The following WWOX variants were observed in gnomAD, a reference collection of about 807,000 sequenced individuals.
WWOX encodes the protein WW domain containing oxidoreductase.
Under a neutral mutation model 46.2 loss-of-function variants are expected in WWOX, and 69 were observed. The ratio of observed to expected loss-of-function variants is 1.49; its 90% CI spans 1.23 to 1.82. The LOEUF (loss-of-function observed/expected upper bound fraction) is 1.82. Among genes scored for constraint, WWOX ranks in the 40% most tolerant of loss-of-function variants. WWOX has a pLI of 0.00. For synonymous variants in WWOX, 359 were observed against 202.6 expected, an observed-to-expected ratio of 1.77 and a Z score of -6.56; for missense variants, 919 against 542.6, an observed-to-expected ratio of 1.69 and a Z score of -6.89.
At chr16:78,515,543 A>G (rs372338456) in intron 8 of WWOX, among the ~76,000 whole-genome samples, 6 of 152,144 alleles carry the variant, frequency 3.9e-5, no homozygotes, top group South Asian at 4.1e-4. Flanking sequence ...CATGTTGTCT[A>G]TGAACGTTTT....
chr16:79,022,717 G>C (rs376637032), intron 8 of WWOX, among the ~76,000 whole-genome samples: 16 of 152,268 alleles, frequency 1.1e-4, no homozygotes, highest in African/African-American at 3.9e-4. Context: ...AAGAGGGAGG[G>C]GAGGCCAAGA....
chr16:78,994,540 A>T (rs1179270954), intron 8 of WWOX: 25 of 152,190 alleles, frequency 1.6e-4, no homozygotes, highest in Admixed American at 1.6e-3. Flanking sequence ...CTTATCAATG[A>T]GATCAGATTT....
chr16:79,209,538 GGT>G lies in WWOX; in HGVS notation c.1057-2068_1057-2067del, dbSNP rs1567621960. 7.1e-3 allele frequency among the ~76,000 whole-genome samples: 1,087 copies of G among 152,192 alleles called. 7 individuals are homozygous for G. The highest frequency in any genetic ancestry group is 0.025 in the African/African-American group (1,055 of 41,496). The stretch of plus-strand genomic sequence containing the variant: ...AGGGCGGGAGGCTGGACTTGAAATG[GGT>G]GAGCTGGATTCTCCCACCACTCGGG... On this transcript the variant is annotated intron_variant, in intron 8 of 8. Coordinates refer to ENST00000566780, the MANE Select transcript of WWOX (RefSeq NM_016373.4).
At chr16:78,381,250 C>G (rs1332128880) in intron 5 of WWOX, among the ~76,000 whole-genome samples, 1 of 152,216 alleles carries the variant, frequency 6.6e-6, no homozygotes, top group East Asian at 1.9e-4. Context: ...TACTAGAGAT[C>G]ACTGTTGCAT....
intron 8 of WWOX, among the ~76,000 whole-genome samples, chr16:78,581,622 G>C (rs1011293319): frequency 1.3e-5 from 2 of 152,086 alleles, no homozygotes; most frequent in Admixed American, 1.3e-4. Context: ...TGGAATCAAA[G>C]TCTCTTTCCC....
intron 5 of WWOX, among the ~76,000 whole-genome samples, chr16:78,169,864 C>G (rs149437219): frequency 3.3e-5 from 5 of 152,186 alleles, no homozygotes; most frequent in African/African-American, 1.2e-4. Context: ...CTGCCAGGCC[C>G]TCACTAGATC....
At chr16:78,776,989 C>G (rs532636256) in intron 8 of WWOX, among the ~76,000 whole-genome samples, 1 of 152,200 alleles carries the variant, frequency 6.6e-6, no homozygotes, top group African/African-American at 2.4e-5. Flanking sequence ...CAAACCATAC[C>G]ACTCATGGCA....
At chr16:79,189,753 C>G (rs1463299349) in intron 8 of WWOX, among the ~76,000 whole-genome samples, 2 of 151,824 alleles carry the variant, frequency 1.3e-5, no homozygotes, top group East Asian at 1.9e-4. Context: ...ATTTGCTTGG[C>G]TGTCCTGAAA....
intron 8 of WWOX, among the ~76,000 whole-genome samples, chr16:78,963,463 G>A (rs534865743): frequency 4.6e-5 from 7 of 152,220 alleles, no homozygotes; most frequent in South Asian, 4.2e-4. Flanking sequence ...GTAATACCCC[G>A]TCTCAGAAAC....
At chr16:79,034,452 A>G (rs984567824) in intron 8 of WWOX, among the ~76,000 whole-genome samples, 4 of 152,154 alleles carry the variant, frequency 2.6e-5, no homozygotes, top group African/African-American at 7.2e-5. Context: ...CTGGCCCTCA[A>G]TTTTCTTAAA....
At chr16:78,464,496 A>T (rs1437342433) in intron 8 of WWOX, among the ~76,000 whole-genome samples, 2 of 152,232 alleles carry the variant, frequency 1.3e-5, no homozygotes, top group East Asian at 1.9e-4. Context: ...AACTACTAGG[A>T]TTTCTTGGGT....
intron 8 of WWOX, among the ~76,000 whole-genome samples, chr16:79,025,770 G>T (rs780749657): frequency 3.1e-5 from 4 of 127,232 alleles, no homozygotes; most frequent in Non-Finnish European, 4.8e-5. Flanking sequence ...CATCTCCCCT[G>T]TTGCCGTTTT....
At chr16:78,108,605 A>C (rs956213845) in intron 2 of WWOX, 118 bp downstream of exon 2, 3 of 1,084,672 alleles carry the variant, frequency 2.8e-6, no homozygotes, top group African/African-American at 3.2e-5. Flanking sequence ...GTAGAGAACC[A>C]GACTCCCACT....
At chr16:78,936,867 T>G (rs2045748857) in intron 8 of WWOX, among the ~76,000 whole-genome samples, 1 of 152,170 alleles carries the variant, frequency 6.6e-6, no homozygotes, top group Non-Finnish European at 1.5e-5. Context: ...ACTCTTTAAC[T>G]TGAAGTATTA....
chr16:78,143,251 T>A (rs1362667850), intron 4 of WWOX, among the ~76,000 whole-genome samples: 1 of 152,240 alleles, frequency 6.6e-6, no homozygotes, highest in Admixed American at 6.5e-5. Context: ...AAATTAAATT[T>A]TCTGTGGTTG....
intron 8 of WWOX, among the ~76,000 whole-genome samples, chr16:79,160,678 A>G (rs778827159): frequency 1.3e-5 from 2 of 152,186 alleles, no homozygotes; most frequent in Non-Finnish European, 2.9e-5. Flanking sequence ...ATCACGTCCC[A>G]TACAATCTTG....
chr16:79,084,247 G>C (rs1597359619), intron 8 of WWOX, among the ~76,000 whole-genome samples: 1 of 152,096 alleles, frequency 6.6e-6, no homozygotes, highest in South Asian at 2.1e-4. Flanking sequence ...GAAGAGGTGA[G>C]GAAGGACACT....
At chr16:78,258,544 C>A (rs1310397330) in intron 5 of WWOX, among the ~76,000 whole-genome samples, 2 of 151,946 alleles carry the variant, frequency 1.3e-5, no homozygotes, top group African/African-American at 4.8e-5. Context: ...AAAACAAACC[C>A]TTTTGGAGGC....
rs577806018 is a variant in WWOX, at chr16:79,058,871, C to T, written c.1057-152737C>T. 2.1e-4 allele frequency among the ~76,000 whole-genome samples: 32 copies of T among 152,244 alleles called. No individual in the cohort carries two copies. In the South Asian group the frequency reaches 6.4e-3, roughly 31 times the overall value. ...TTGCTAACTCTGGAAAATGTGTTTA[C>T]AGAAGAACCAGAGAAGGACTTACTC... is the stretch of plus-strand genomic sequence containing the variant. On this transcript the variant is annotated intron_variant, in intron 8 of 8. Coordinates refer to ENST00000566780, the MANE Select transcript of WWOX (RefSeq NM_016373.4).
Sources: gnomAD v4.1 joint callset for allele counts (sites outside exome capture counted in the v4.1 genomes callset) on GRCh38, gnomAD v4.1.1 for gene constraint, MANE v1.5 for transcripts, NCBI Gene and HGNC (gene_info 2026-07-23, HGNC 2026-07-21) for gene names.